The following IL7 variants were observed in gnomAD, a reference collection of about 807,000 sequenced individuals.
IL7 encodes the protein interleukin-7.
A neutral mutation model predicts 21.6 loss-of-function variants in IL7; 3 were observed. That is an observed-to-expected ratio of 0.14 (90% CI 0.06 to 0.36). The LOEUF (loss-of-function observed/expected upper bound fraction) is 0.36. Ranked by LOEUF, IL7 falls within the 10% of genes least tolerant of loss-of-function variation. IL7 has a pLI of 1.00. For synonymous variants in IL7, 62 were observed against 68.1 expected (o/e 0.91, Z 0.44); for missense variants, 175 against 200.2 (o/e 0.87, Z 0.76).
intron 3 of IL7, among the ~76,000 whole-genome samples, chr8:78,705,976 C>T (rs1810760240): frequency 6.6e-6 from 1 of 152,042 alleles, no homozygotes; most frequent in Non-Finnish European, 1.5e-5. Flanking sequence ...GTTGTGAGGT[C>T]CTGCTCTGTG....
chr8:78,742,399 C>G (rs1011696086), intron 2 of IL7, among the ~76,000 whole-genome samples: 1 of 151,986 alleles, frequency 6.6e-6, no homozygotes, highest in Non-Finnish European at 1.5e-5. Flanking sequence ...CAAATTTCTT[C>G]AAATATTTTA....
In IL7 at chr8:78,691,698, A is replaced by G. The variant is rs1274517049; in HGVS notation, n.215-5751T>C. ...ATTTCATTTTCTTTTTTGGCTTTCT[A>G]GCTGTAATTCTTTGCATTTTTGAAA... is the stretch of plus-strand genomic sequence containing the variant. On this transcript the variant is annotated intron_variant and non_coding_transcript_variant, in intron 3 of 4. Transcript: ENST00000523959. Among the ~76,000 whole-genome samples the G allele has an allele frequency of 2.6e-5, 4 of 152,002 alleles. No homozygotes were observed. The East Asian group carries it at 7.7e-4, about 29-fold the overall frequency.
intron 2 of IL7, among the ~76,000 whole-genome samples, chr8:78,783,162 T>C (rs537984064): frequency 6.6e-6 from 1 of 152,280 alleles, no homozygotes; most frequent in African/African-American, 2.4e-5. Flanking sequence ...TCTGTAGTCT[T>C]AGGCAGACCC....
intron 4 of IL7, among the ~76,000 whole-genome samples, chr8:78,684,364 T>A (rs1192397784): frequency 6.6e-6 from 1 of 152,206 alleles, no homozygotes; most frequent in East Asian, 1.9e-4. Flanking sequence ...AGAGCGTGTG[T>A]GCAGGGGAAC....
In IL7 at chr8:78,733,494, T is replaced by C; in HGVS notation, c.*219A>G. On this transcript the variant is annotated 3_prime_UTR_variant, in exon 6 of 6. Coordinates refer to ENST00000263851, the MANE Select transcript of IL7 (RefSeq NM_000880.4). ...TTATACTGATTGATAAATGTTCACA[T>C]ATATAAGAAATAGTTTGTTGACTGG... 1 of 431,630 alleles carries C rather than the reference T, an allele frequency of 2.3e-6. No homozygotes were observed. The highest frequency in any genetic ancestry group is 4.8e-5 in the East Asian group (1 of 20,910). 26.7% of individuals were successfully genotyped at this position (431,630 alleles called of 1,614,324 possible). A position where few individuals can be genotyped will look rare whatever the true frequency, so the allele number is the denominator to read the frequency against.
chr8:78,710,293 A>G (rs535220631), intron 3 of IL7, among the ~76,000 whole-genome samples: 17 of 152,298 alleles, frequency 1.1e-4, no homozygotes, highest in African/African-American at 3.8e-4. Context: ...ATGTACATAT[A>G]TATATATGCA....
rs1425712545 is a variant in IL7 at position 78,694,283 on chromosome 8, CTTGT to C, written n.215-8340_215-8337del. Among the ~76,000 whole-genome samples, 7 of 80,332 alleles carry C rather than the reference CTTGT, an allele frequency of 8.7e-5. No individual in the cohort carries two copies. The Admixed American group carries it at 9.7e-4, about 11-fold the overall frequency. 52.7% of individuals were successfully genotyped at this position (80,332 alleles called of 152,430 possible). A position where few individuals can be genotyped will look rare whatever the true frequency, so the allele number is the denominator to read the frequency against. The stretch of plus-strand genomic sequence containing the variant: ...TCAAGTGACTTGTATGGATATGTTC[CTTGT>C]TTTTTTTTTTTTCTCATTCAGTTTC... On this transcript the variant is annotated intron_variant and non_coding_transcript_variant, in intron 3 of 4. Coordinates refer to the IL7 transcript ENST00000523959.
At chr8:78,692,830 C>A (rs1421768108) in intron 3 of IL7, among the ~76,000 whole-genome samples, 1 of 152,100 alleles carries the variant, frequency 6.6e-6, no homozygotes, top group Non-Finnish European at 1.5e-5. Flanking sequence ...GTGCTGCACC[C>A]ATTAACTCGT....
chr8:78,678,775 A>G (rs756018895), intron 4 of IL7: 23 of 706,782 alleles, frequency 3.3e-5, no homozygotes, highest in Non-Finnish European at 4.9e-5. Flanking sequence ...AATAAACACA[A>G]TTATCTGCTA....
At chr8:78,701,092 A>G (rs1810588005) in intron 3 of IL7, among the ~76,000 whole-genome samples, 1 of 152,172 alleles carries the variant, frequency 6.6e-6, no homozygotes, top group East Asian at 1.9e-4. Flanking sequence ...CAGTATCACC[A>G]TTTTAACAAT....
chr8:78,716,830 T>G (rs1387225615), downstream of IL7, among the ~76,000 whole-genome samples: 1 of 152,166 alleles, frequency 6.6e-6, no homozygotes, highest in Non-Finnish European at 1.5e-5. Flanking sequence ...CCATTGCTGT[T>G]CTTGTGATAG....
chr8:78,687,935 A>G (rs1810075779), intron 3 of IL7, among the ~76,000 whole-genome samples: 2 of 143,148 alleles, frequency 1.4e-5, no homozygotes, highest in South Asian at 2.1e-4. Context: ...TTATATCTAT[A>G]TTTTTATATA....
chr8:78,693,413 T>C (rs1365581756), intron 3 of IL7, among the ~76,000 whole-genome samples: 1 of 152,250 alleles, frequency 6.6e-6, no homozygotes, highest in African/African-American at 2.4e-5. Context: ...GATTTTTTAA[T>C]TATCGCCATT....
At chr8:78,735,299 T>TC (rs1811548246) in intron 5 of IL7, among the ~76,000 whole-genome samples, 1 of 133,480 alleles carries the variant, frequency 7.5e-6, no homozygotes, top group Non-Finnish European at 1.6e-5. Flanking sequence ...TTTTGTTTTT[T>TC]TTTTTTTGCT....
intron 3 of IL7, among the ~76,000 whole-genome samples, chr8:78,709,679 C>T (rs1810893073): frequency 6.7e-6 from 1 of 149,986 alleles, no homozygotes; most frequent in African/African-American, 2.5e-5. Flanking sequence ...TGTCTTGGAC[C>T]ACATATAAAA....
intron 2 of IL7, among the ~76,000 whole-genome samples, chr8:78,782,554 AG>A (rs1341518052): frequency 2.0e-5 from 3 of 152,002 alleles, no homozygotes; most frequent in Admixed American, 2.0e-4. Context: ...TCACCAGTGG[AG>A]GCTGCGCAAC....
At chr8:78,699,133 T>TAAG (rs10652919) in intron 3 of IL7, among the ~76,000 whole-genome samples, 150,218 of 152,220 alleles carry the variant, frequency 0.99, 74,128 homozygotes, top group East Asian at 1. Flanking sequence ...GTGATTCTGT[T>TAAG]AGGAAAATGT....
Position 78,804,972 on chromosome 8 carries a change from C to A in IL7, c.-50G>T. ...ATGATGACCGCAACTGGAGCAGGAG[C>A]AAGCTCTCACCGCCCATAGTCACTC... On this transcript the variant is annotated 5_prime_UTR_variant, in exon 1 of 6. Transcript: ENST00000263851. 1 of 1,598,798 alleles carries A rather than the reference C, an allele frequency of 6.3e-7. No individual in the cohort carries two copies. Among genetic ancestry groups the A allele is most frequent in the Non-Finnish European group, 8.5e-7 (1 of 1,170,578 alleles).
chr8:78,803,327 C>T (rs1814155949), intron 1 of IL7, among the ~76,000 whole-genome samples: 1 of 152,108 alleles, frequency 6.6e-6, no homozygotes, highest in African/African-American at 2.4e-5. Flanking sequence ...ACTTTTTGGT[C>T]CTCAAATATG....
Sources: gnomAD v4.1 joint callset for allele counts (sites outside exome capture counted in the v4.1 genomes callset) on GRCh38, gnomAD v4.1.1 for gene constraint, MANE v1.5 for transcripts, NCBI Gene and HGNC (gene_info 2026-07-23, HGNC 2026-07-21) for gene names.